SOX5: variants seen among roughly 807,000 people sequenced by gnomAD.
SOX5 encodes SRY-box transcription factor 5.
SOX5 carries 9 observed loss-of-function variants against 92.0 expected under a neutral mutation model. The observed-to-expected ratio is 0.10, with a 90% CI of 0.06 to 0.17. The LOEUF is 0.17. Ranked by LOEUF, SOX5 falls within the 10% of genes least tolerant of loss-of-function variation. SOX5 has a pLI of 1.00. For synonymous variants in SOX5, 344 were observed against 336.3 expected (o/e 1.02, Z -0.25); for missense variants, 642 against 944.5 (o/e 0.68, Z 4.20).
intron 7 of SOX5, among the ~76,000 whole-genome samples, chr12:23,659,708 C>A (rs985851749): frequency 2.0e-5 from 3 of 152,158 alleles, no homozygotes; most frequent in African/African-American, 7.2e-5. Context: ...CACGGTGGCT[C>A]ACACCTGTAA....
intron 4 of SOX5, among the ~76,000 whole-genome samples, chr12:24,197,537 C>A (rs1392219111): frequency 1.3e-5 from 2 of 152,162 alleles, no homozygotes; most frequent in Non-Finnish European, 1.5e-5. Flanking sequence ...ACAAACAGCA[C>A]CCTGCTTACA....
intron 4 of SOX5, among the ~76,000 whole-genome samples, chr12:24,049,656 T>G (rs993006614): frequency 6.9e-6 from 1 of 145,006 alleles, no homozygotes; most frequent in African/African-American, 2.6e-5. Context: ...TTTTTTTTTT[T>G]TTTTTTTTTT....
intron 11 of SOX5, among the ~76,000 whole-genome samples, chr12:23,561,398 G>T (rs1484766998): frequency 6.6e-6 from 1 of 152,192 alleles, no homozygotes; most frequent in Non-Finnish European, 1.5e-5. Flanking sequence ...AAAAGGCTGT[G>T]CAGAGTCACT....
At chr12:23,734,900 T>A (rs533592356) in intron 5 of SOX5, 148 bp from the exon 6 acceptor site, 4 of 605,218 alleles carry the variant, frequency 6.6e-6, no homozygotes, top group Non-Finnish European at 1.2e-5. Context: ...CAGCAATTCA[T>A]CCTAAATAAG....
chr12:24,159,685 A>G (rs1188268525), intron 4 of SOX5, among the ~76,000 whole-genome samples: 1 of 152,020 alleles, frequency 6.6e-6, no homozygotes, highest in East Asian at 1.9e-4. Flanking sequence ...CTATCAGCTC[A>G]TTTTAAGGAA....
chr12:24,244,373 T>C (rs1329383415), intron 3 of SOX5, among the ~76,000 whole-genome samples: 1 of 152,234 alleles, frequency 6.6e-6, no homozygotes, highest in African/African-American at 2.4e-5. Context: ...CTCTGTCCTT[T>C]ATAATCCCAC....
intron 7 of SOX5, among the ~76,000 whole-genome samples, chr12:23,659,749 G>A (rs560886541): frequency 1.2e-4 from 19 of 152,232 alleles, no homozygotes; most frequent in Non-Finnish European, 2.2e-4. Context: ...GGTGGATCAC[G>A]TGAGGGCAGG....
intron 3 of SOX5, among the ~76,000 whole-genome samples, chr12:23,804,622 A>T (rs1286580995): frequency 6.6e-6 from 1 of 151,868 alleles, no homozygotes; most frequent in Non-Finnish European, 1.5e-5. Flanking sequence ...TACATCCTCA[A>T]TAATTATTTA....
chr12:23,988,476 C>T (rs1950253777), intron 4 of SOX5, among the ~76,000 whole-genome samples: 1 of 152,126 alleles, frequency 6.6e-6, no homozygotes, highest in South Asian at 2.1e-4. Context: ...TTTGTATTCG[C>T]TTCTTTGGAT....
At chr12:24,098,935 G>C (rs1593146993) in intron 4 of SOX5, among the ~76,000 whole-genome samples, 1 of 152,148 alleles carries the variant, frequency 6.6e-6, no homozygotes, top group African/African-American at 2.4e-5. Flanking sequence ...TTTCAACGTA[G>C]TGTATGTCTA....
intron 2 of SOX5, among the ~76,000 whole-genome samples, chr12:23,884,043 C>A (rs2097031653): frequency 6.6e-6 from 1 of 152,076 alleles, no homozygotes; most frequent in Admixed American, 6.5e-5. Context: ...GCTGACGTTT[C>A]ATACAACATA....
chr12:23,570,924 AAAAAAAATATATAT>A (rs1417434934), intron 10 of SOX5, among the ~76,000 whole-genome samples: 7 of 42,550 alleles, frequency 1.6e-4, no homozygotes, highest in African/African-American at 6.9e-4. Context: ...AAAAAAAAAA[AAAAAAAATATATAT>A]ATATATATAT....
chr12:24,351,374 C>A (rs1370019208), intron 2 of SOX5, among the ~76,000 whole-genome samples: 2 of 152,270 alleles, frequency 1.3e-5, no homozygotes, highest in African/African-American at 4.8e-5. Flanking sequence ...TATCGAATAT[C>A]TCTATCAGTG....
intron 5 of SOX5, among the ~76,000 whole-genome samples, chr12:23,735,794 T>A (rs1445965684): frequency 6.6e-6 from 1 of 152,206 alleles, no homozygotes; most frequent in Non-Finnish European, 1.5e-5. Flanking sequence ...TCACTGTTAT[T>A]TGTGTTTACT....
rs1335395634 is a variant in SOX5, at chr12:23,692,101, T to C, written c.811-26537A>G. ...CTTAAACTTCCTTTTATAAATTTCC[T>C]GCCTCCTAAAATTCTTGCTTTGTCT... is the stretch of plus-strand genomic sequence containing the variant. On this transcript the variant is annotated intron_variant, in intron 6 of 14. Coordinates refer to ENST00000451604, the MANE Select transcript of SOX5 (RefSeq NM_006940.6). Among the ~76,000 whole-genome samples the C allele has an allele frequency of 2.0e-5, 3 of 152,148 alleles. No individual in the cohort carries two copies. In the East Asian group the frequency reaches 5.8e-4, roughly 29 times the overall value.
At chr12:24,347,838 A>T (rs1486865348) in intron 2 of SOX5, among the ~76,000 whole-genome samples, 1 of 152,110 alleles carries the variant, frequency 6.6e-6, no homozygotes, top group Non-Finnish European at 1.5e-5. Context: ...TAATTACTTA[A>T]ACTAGGGCCT....
At chr12:24,033,498 T>C (rs1955715032) in intron 4 of SOX5, among the ~76,000 whole-genome samples, 1 of 151,996 alleles carries the variant, frequency 6.6e-6, no homozygotes, top group Non-Finnish European at 1.5e-5. Flanking sequence ...AATGCTATTT[T>C]TTAAAGTTAC....
chr12:24,548,605 A>T (rs912176093), intron 1 of SOX5, among the ~76,000 whole-genome samples: 16 of 152,154 alleles, frequency 1.1e-4, no homozygotes, highest in African/African-American at 3.9e-4. Flanking sequence ...TGAAACATGG[A>T]AACACTGGGA....
intron 2 of SOX5, among the ~76,000 whole-genome samples, chr12:24,330,619 T>G (rs534568690): frequency 6.6e-6 from 1 of 152,372 alleles, no homozygotes; most frequent in South Asian, 2.1e-4. Context: ...AGGCCCCACT[T>G]AAACGAAAGT....
Sources: gnomAD v4.1 joint callset for allele counts (sites outside exome capture counted in the v4.1 genomes callset) on GRCh38, gnomAD v4.1.1 for gene constraint, MANE v1.5 for transcripts, NCBI Gene and HGNC (gene_info 2026-07-23, HGNC 2026-07-21) for gene names.